Variants in KAZN observed in about 807,000 individuals in gnomAD.
The protein encoded by KAZN is kazrin.
KAZN carries 40 observed loss-of-function variants against 87.4 expected under a neutral mutation model. That is an observed-to-expected ratio of 0.46 (90% CI 0.36 to 0.60). KAZN has a LOEUF of 0.60. Among genes scored for constraint, KAZN ranks in the 20% least tolerant of loss-of-function variants. KAZN has a pLI of 0.00. For synonymous variants in KAZN, 466 were observed against 458.3 expected (o/e 1.02, Z -0.22); for missense variants, 898 against 1,073.9 (o/e 0.84, Z 2.29).
chr1:14,506,153 T>C (rs1267084419), intron 2 of KAZN, among the ~76,000 whole-genome samples: 1 of 152,170 alleles, frequency 6.6e-6, no homozygotes, highest in Admixed American at 6.5e-5. Flanking sequence ...GCCAGAAAGA[T>C]GATACCACTT....
intron 1 of KAZN, among the ~76,000 whole-genome samples, chr1:13,998,084 A>G (rs1639611435): frequency 1.3e-5 from 2 of 152,210 alleles, no homozygotes; most frequent in Non-Finnish European, 2.9e-5. Context: ...AACATTCGTA[A>G]AAGAATTTTC....
chr1:13,995,438 T>C (rs1639469289), intron 1 of KAZN, among the ~76,000 whole-genome samples: 1 of 152,206 alleles, frequency 6.6e-6, no homozygotes, highest in Admixed American at 6.5e-5. Flanking sequence ...AATAAAGATA[T>C]GTTTACAATA....
intron 1 of KAZN, among the ~76,000 whole-genome samples, chr1:14,860,487 G>A (rs191364774): frequency 1.3e-5 from 2 of 152,220 alleles, no homozygotes; most frequent in East Asian, 1.9e-4. Context: ...GAGCCACCAC[G>A]CCCGGACAGG....
chr1:14,260,485 T>C (rs968929652), intron 2 of KAZN, among the ~76,000 whole-genome samples: 2 of 151,908 alleles, frequency 1.3e-5, no homozygotes, highest in Admixed American at 1.3e-4. Flanking sequence ...TGGAGCAGGG[T>C]GAGCCCATGG....
chr1:14,063,960 A>G (rs934468972), intron 1 of KAZN, among the ~76,000 whole-genome samples: 1 of 151,716 alleles, frequency 6.6e-6, no homozygotes, highest in African/African-American at 2.4e-5. Flanking sequence ...TCTCTCGCCC[A>G]GGCTCGAGTG....
At position 14,591,362 on chromosome 1, in the gene KAZN, G is replaced by A. The variant is rs975070032; in HGVS notation, c.250-7621G>A. On this transcript the variant is annotated intron_variant, in intron 2 of 16. Transcript: ENST00000636203. ...CACTTACAGAGGCTGTGACAGAGTC[G>A]AGAACCCAGGCCAGCACACATATTC... Among the ~76,000 whole-genome samples the A allele has an allele frequency of 4.6e-5, 7 of 151,554 alleles. No homozygotes were observed. In the East Asian group the frequency reaches 5.8e-4, roughly 13 times the overall value.
At chr1:14,756,759 CT>C (rs1433454535) in intron 1 of KAZN, among the ~76,000 whole-genome samples, 1 of 152,122 alleles carries the variant, frequency 6.6e-6, no homozygotes, top group Non-Finnish European at 1.5e-5. Flanking sequence ...AAGAAGGGAA[CT>C]TGTAGGTTTT....
At chr1:15,050,606 G>A (rs921010007) in intron 4 of KAZN, among the ~76,000 whole-genome samples, 12 of 152,160 alleles carry the variant, frequency 7.9e-5, no homozygotes, top group East Asian at 1.9e-4. Flanking sequence ...CAGCTGCAAC[G>A]AAAGCAGTCT....
chr1:14,463,014 T>C (rs1460427497), intron 2 of KAZN, among the ~76,000 whole-genome samples: 1 of 152,168 alleles, frequency 6.6e-6, no homozygotes, highest in African/African-American at 2.4e-5. Flanking sequence ...GGCTAACTCA[T>C]AGGCAGTGGG....
At chr1:14,053,690 T>C in intron 1 of KAZN, among the ~76,000 whole-genome samples, 1 of 152,182 alleles carries the variant, frequency 6.6e-6, no homozygotes, top group East Asian at 1.9e-4. Context: ...TGAAAATTGT[T>C]TTATGCCTGC....
intron 1 of KAZN, among the ~76,000 whole-genome samples, chr1:14,605,101 A>G (rs935523921): frequency 2.6e-5 from 4 of 152,164 alleles, no homozygotes; most frequent in African/African-American, 9.7e-5. Context: ...TGCATACCTC[A>G]CTATTATTAT....
At chr1:14,169,294 C>A (rs2100249929) in intron 1 of KAZN, among the ~76,000 whole-genome samples, 1 of 152,254 alleles carries the variant, frequency 6.6e-6, no homozygotes. Context: ...TCTATCTCCT[C>A]TTCTCTCCCC....
intron 1 of KAZN, among the ~76,000 whole-genome samples, chr1:14,085,703 A>G (rs1643832925): frequency 6.6e-6 from 1 of 152,162 alleles, no homozygotes; most frequent in Non-Finnish European, 1.5e-5. Context: ...CAATGAATAA[A>G]GTTACTATAA....
intron 1 of KAZN, among the ~76,000 whole-genome samples, chr1:14,031,621 A>C (rs1641331946): frequency 2.0e-5 from 3 of 152,210 alleles, no homozygotes; most frequent in Admixed American, 2.0e-4. Context: ...TGCTGGCTAG[A>C]TTCTTGCCAC....
At position 14,407,152 on chromosome 1, in the gene KAZN, C is replaced by T. The variant is rs145543204; in HGVS notation, c.250-191831C>T. Among the ~76,000 whole-genome samples, 59 of 152,252 alleles carry T rather than the reference C, an allele frequency of 3.9e-4. No individual in the cohort carries two copies. The East Asian group carries it at 0.011, about 27-fold the overall frequency. ...CAGATATTACTGAGAATATTCATTC[C>T]GTCGATGGACATGTGGGTCATTCCT... On this transcript the variant is annotated intron_variant, in intron 2 of 16. Coordinates refer to the KAZN transcript ENST00000636203.
At chr1:14,942,083 CT>C (rs1661146962) in intron 1 of KAZN, among the ~76,000 whole-genome samples, 1 of 152,150 alleles carries the variant, frequency 6.6e-6, no homozygotes, top group African/African-American at 2.4e-5. Flanking sequence ...CTGATTAGGA[CT>C]TTTATTTCTT....
chr1:14,784,235 G>A (rs1453103533), intron 1 of KAZN, among the ~76,000 whole-genome samples: 3 of 152,246 alleles, frequency 2.0e-5, no homozygotes, highest in South Asian at 2.1e-4. Flanking sequence ...TGATTATCTA[G>A]GACAGACTCC....
At chr1:14,840,546 C>T (rs1647839433) in intron 1 of KAZN, among the ~76,000 whole-genome samples, 1 of 152,212 alleles carries the variant, frequency 6.6e-6, no homozygotes, top group Non-Finnish European at 1.5e-5. Flanking sequence ...ATCACTCTAG[C>T]CTTCGTGGCA....
At chr1:14,414,797 G>A (rs1203428416) in intron 2 of KAZN, among the ~76,000 whole-genome samples, 3 of 152,152 alleles carry the variant, frequency 2.0e-5, no homozygotes, top group South Asian at 2.1e-4. Flanking sequence ...GGCCGAGGAT[G>A]ATGGATCACC....
Sources: gnomAD v4.1 joint callset for allele counts (sites outside exome capture counted in the v4.1 genomes callset) on GRCh38, gnomAD v4.1.1 for gene constraint, MANE v1.5 for transcripts, NCBI Gene and HGNC (gene_info 2026-07-23, HGNC 2026-07-21) for gene names.